FAM110A: variants seen among roughly 807,000 people sequenced by gnomAD.
The protein encoded by FAM110A is family with sequence similarity 110 member A.
In FAM110A, 1 loss-of-function variant was observed where a neutral mutation model predicts 4.0. That is an observed-to-expected ratio of 0.25 (90% CI 0.09 to 1.20). The LOEUF (loss-of-function observed/expected upper bound fraction) is 1.20, where lower values mean the gene tolerates loss of function less well. FAM110A is among the 50% of genes most tolerant of loss of function. FAM110A has a pLI of 0.50. For synonymous variants in FAM110A, 217 were observed against 196.8 expected, an observed-to-expected ratio of 1.10 and a Z score of -0.86; for missense variants, 436 against 429.2, an observed-to-expected ratio of 1.02 and a Z score of -0.14.
intron 1 of FAM110A, among the ~76,000 whole-genome samples, chr20:837,199 C>T (rs998049471): frequency 2.6e-5 from 4 of 151,928 alleles, no homozygotes; most frequent in African/African-American, 9.7e-5. Flanking sequence ...ATTATAGGCC[C>T]CCGCCACCAT....
chr20:835,200 CTATA>C (rs1555787560), intron 1 of FAM110A, among the ~76,000 whole-genome samples: 28 of 140,544 alleles, frequency 2.0e-4, no homozygotes, highest in East Asian at 1.0e-3. Flanking sequence ...CTCTCTCTCT[CTATA>C]TATATATATA....
chr20:839,841 AT>A (rs769317131), intron 1 of FAM110A: 113 of 1,605,364 alleles, frequency 7.0e-5, no homozygotes, highest in Non-Finnish European at 9.2e-5. Context: ...CATGGCCTTC[AT>A]GACGTGAAGG....
At chr20:843,873 T>C (rs1468348430) in intron 1 of FAM110A, among the ~76,000 whole-genome samples, 1 of 152,232 alleles carries the variant, frequency 6.6e-6, no homozygotes, top group East Asian at 1.9e-4. Flanking sequence ...GATGCCTCCA[T>C]GCAGGGCTGT....
Position 845,914 on chromosome 20 carries a change from C to T in FAM110A, c.*222C>T. The T allele has an allele frequency of 4.5e-6, 4 of 890,114 alleles. No homozygotes were observed. The South Asian group carries it at 7.3e-5, about 16-fold the overall frequency. The allele number at this position is 890,114 out of a possible 1,614,324, so 55.1% of individuals were successfully genotyped here. A position where few individuals can be genotyped will look rare whatever the true frequency, so the allele number is the denominator to read the frequency against. ...TTTGGACACCTGAGAACCCCCTCCT[C>T]CCCTCCCCCAATACAAGGTTTTTGA... On this transcript the variant is annotated 3_prime_UTR_variant, in exon 2 of 2. Transcript: ENST00000381941.
intron 1 of FAM110A, 76 bp from the exon 2 acceptor site, chr20:844,632 T>G: frequency 9.3e-7 from 1 of 1,076,772 alleles, no homozygotes; most frequent in Non-Finnish European, 1.2e-6. Context: ...GGGCGTCTTA[T>G]CCTCTCAGCC....
At position 846,153 on chromosome 20, in the gene FAM110A, C is replaced by T. The variant is rs145340716; in HGVS notation, c.*461C>T. 2.3e-4 allele frequency: 44 copies of T among 195,488 alleles called. No homozygotes were observed. The highest frequency in any genetic ancestry group is 4.5e-4 in the Non-Finnish European group (38 of 84,556). The allele number at this position is 195,488 out of a possible 1,614,324, so 12.1% of individuals were successfully genotyped here. A position where few individuals can be genotyped will look rare whatever the true frequency, so the allele number is the denominator to read the frequency against. On this transcript the variant is annotated 3_prime_UTR_variant, in exon 2 of 2. Transcript: ENST00000381941. The stretch of plus-strand genomic sequence containing the variant: ...GTCGGGGCAGTGGGGAGGGGCCTAT[C>T]CACTGCTCTTCCTAGTCCTTGGCAG...
chr20:844,897 G>C lies in FAM110A; in HGVS notation c.93G>C (p.Gly31=). The change falls in exon 2 of 2, where the codon GGG becomes GGC. Residue 31 remains glycine (G), a synonymous_variant. Coordinates refer to ENST00000381941, the MANE Select transcript of FAM110A (RefSeq NM_001042353.3). ...GGGTCCCTGGCTACCTGCTACGGGG[G>C]CCGGCAGATGGTGGAGCCCGGAAAC... is the stretch of plus-strand genomic sequence containing the variant. ...RTRVPGYLLR[G]PADGGARKPS... 6.4e-7 allele frequency: 1 copy of C among 1,557,334 alleles called. No homozygotes were observed. The highest frequency in any genetic ancestry group is 8.7e-7 in the Non-Finnish European group (1 of 1,151,596).
In FAM110A at chr20:845,511, G is replaced by T; in HGVS notation, c.707G>T (p.Gly236Val). The T allele has an allele frequency of 6.2e-7, 1 of 1,612,394 alleles. No homozygotes were observed. Among genetic ancestry groups the T allele is most frequent in the Non-Finnish European group, 8.5e-7 (1 of 1,179,262 alleles). ...RASSDIVSLAGPSAGPGSSEG... is the reference protein window; with the variant it reads ...RASSDIVSLAVPSAGPGSSEG... ...AGCTCGGATATCGTGTCCCTGGCAG[G>T]GCCCAGTGCTGGGCCGGGCAGCTCT... The change falls in exon 2 of 2, where the codon GGG (glycine) becomes GTG (valine). Residue 236 changes from glycine (G) to valine (V), a missense_variant. By Grantham distance (109) the Gly-to-Val change is moderately radical. Coordinates refer to ENST00000381941, the MANE Select transcript of FAM110A (RefSeq NM_001042353.3).
Position 840,025 on chromosome 20 carries a change from T to G in FAM110A, c.-97-4683T>G. 1.1e-6 allele frequency: 1 copy of G among 945,516 alleles called. No individual in the cohort carries two copies. Among genetic ancestry groups the G allele is most frequent in the Non-Finnish European group, 1.7e-6 (1 of 599,792 alleles). The allele number at this position is 945,516 out of a possible 1,614,324, so 58.6% of individuals were successfully genotyped here. A position where few individuals can be genotyped will look rare whatever the true frequency, so the allele number is the denominator to read the frequency against. ...GCTGGGGCTGGAAAGGAAGGACTGT[T>G]CTTTTCTTTGCTATTACGAAAATCA... is the stretch of plus-strand genomic sequence containing the variant. On this transcript the variant is annotated intron_variant, in intron 1 of 1. Coordinates refer to ENST00000381941, the MANE Select transcript of FAM110A (RefSeq NM_001042353.3). The surrounding 1 kb of genome is among the most constrained non-coding windows in gnomAD (Gnocchi z 4.4).
intron 1 of FAM110A, chr20:839,509 AC>A: frequency 9.9e-7 from 1 of 1,005,234 alleles, no homozygotes; most frequent in Admixed American, 1.7e-5. Flanking sequence ...TCGGTTGCTG[AC>A]CCAGCCCCAG....
In FAM110A at chr20:845,941, A is replaced by G; in HGVS notation, c.*249A>G. ...CCTCCCCCAATACAAGGTTTTTGAC[A>G]TGAGTGTACTCCTGCTTAGTTCCTC... On this transcript the variant is annotated 3_prime_UTR_variant, in exon 2 of 2. Transcript: ENST00000381941. 1.4e-6 allele frequency: 1 copy of G among 691,080 alleles called. No homozygotes were observed. Among genetic ancestry groups the G allele is most frequent in the African/African-American group, 1.8e-5 (1 of 54,656 alleles). The allele number at this position is 691,080 out of a possible 1,614,324, so 42.8% of individuals were successfully genotyped here.
At position 834,106 on chromosome 20, in the gene FAM110A, T is replaced by C. The variant is rs980908512; in HGVS notation, c.-98+155T>C. On this transcript the variant is annotated intron_variant, in intron 1 of 1. Coordinates refer to ENST00000381941, the MANE Select transcript of FAM110A (RefSeq NM_001042353.3). This position sits in a 1 kb window ranked among gnomAD's most constrained non-coding sequence, Gnocchi z 5.6. ...AGGCAAGTGTCCCGGCCCGGCGAGC[T>C]CTGGCGGAGAATCCAGTTCAAGTCT... Among the ~76,000 whole-genome samples, 2 of 152,166 alleles carry C rather than the reference T, an allele frequency of 1.3e-5. No homozygotes were observed. The highest frequency in any genetic ancestry group is 2.4e-5 in the African/African-American group (1 of 41,446).
chr20:841,588 A>T (rs1202705270), intron 1 of FAM110A, among the ~76,000 whole-genome samples: 1 of 151,944 alleles, frequency 6.6e-6, no homozygotes, highest in African/African-American at 2.4e-5. Context: ...CAGCCTGGGG[A>T]TCTGAGTTCC....
rs1157185465 is a variant in FAM110A, at chr20:845,760, T to G, written c.*68T>G. The G allele has an allele frequency of 6.3e-7, 1 of 1,593,394 alleles. No homozygotes were observed. The highest frequency in any genetic ancestry group is 8.5e-7 in the Non-Finnish European group (1 of 1,170,180). On this transcript the variant is annotated 3_prime_UTR_variant, in exon 2 of 2. Transcript: ENST00000381941. The stretch of plus-strand genomic sequence containing the variant: ...AGGCAAGTGGTCCCTGGACCTCTCT[T>G]GCATCCATTCTCTAGACGGCCGTGT...
Position 845,428 on chromosome 20 carries a change from C to G in FAM110A, c.624C>G (p.Phe208Leu). The change falls in exon 2 of 2, where the codon TTC becomes TTG. Residue 208 changes from phenylalanine (F) to leucine (L), a missense_variant. Physicochemically the swap from Phe to Leu is conservative, Grantham distance 22. Coordinates refer to ENST00000381941, the MANE Select transcript of FAM110A (RefSeq NM_001042353.3). The part of the protein sequence containing the change: ...AAADLERFFN[F>L]CGLDPEEARG... ...CTGATCTCGAGCGCTTTTTTAACTTCTGCGGCCTGGACCCGGAGGAGGCGA... is the reference window on the plus strand; with the variant it reads ...CTGATCTCGAGCGCTTTTTTAACTTGTGCGGCCTGGACCCGGAGGAGGCGA... The G allele has an allele frequency of 1.9e-6, 3 of 1,613,788 alleles. No homozygotes were observed. The highest frequency in any genetic ancestry group is 2.5e-6 in the Non-Finnish European group (3 of 1,179,896).
Position 844,976 on chromosome 20 carries a change from C to A in FAM110A, c.172C>A (p.His58Asn), listed in dbSNP as rs2122699913. ...CAAGGCCAAGTACGTCAAGAGCCTGCACGTGGCCAACACCCGCCAGGAGCC... is the reference window on the plus strand; with the variant it reads ...CAAGGCCAAGTACGTCAAGAGCCTGAACGTGGCCAACACCCGCCAGGAGCC... ...ADKAKYVKSL[H>N]VANTRQEPVQ... Residue 58 changes from histidine to asparagine, a missense_variant, in exon 2 of 2, where the codon CAC becomes AAC. Transcript: ENST00000381941. The A allele has an allele frequency of 6.3e-7, 1 of 1,595,724 alleles. No individual in the cohort carries two copies.
At position 845,537 on chromosome 20, in the gene FAM110A, G is replaced by A. The variant is rs1304751317; in HGVS notation, c.733G>A (p.Glu245Lys). Residue 245 changes from glutamate (E) to lysine (K), a missense_variant, in exon 2 of 2, where the codon GAA (glutamate) becomes AAA (lysine). Physicochemically the swap from Glu to Lys is moderately conservative, Grantham distance 56. Coordinates refer to ENST00000381941, the MANE Select transcript of FAM110A (RefSeq NM_001042353.3). ...GCCCAGTGCTGGGCCGGGCAGCTCT[G>A]AAGGGGGCTGCTCCCGCCGCAGCTC... ...AGPSAGPGSS[E>K]GGCSRRSSVT... 2 of 1,612,838 alleles carry A rather than the reference G, an allele frequency of 1.2e-6. No homozygotes were observed. Among genetic ancestry groups the A allele is most frequent in the Admixed American group, 1.7e-5 (1 of 59,890 alleles).
rs1463129642 is a variant in FAM110A at position 833,940 on chromosome 20, C to A, written c.-109C>A. 6.6e-6 allele frequency: 1 copy of A among 152,290 alleles called. No homozygotes were observed. The highest frequency in any genetic ancestry group is 1.5e-5 in the Non-Finnish European group (1 of 68,108). The allele number at this position is 152,290 out of a possible 1,614,324, so 9.4% of individuals were successfully genotyped here. A position where few individuals can be genotyped will look rare whatever the true frequency, so the allele number is the denominator to read the frequency against. On this transcript the variant is annotated 5_prime_UTR_variant, in exon 1 of 2. Transcript: ENST00000381941. The surrounding 1 kb of genome is among the most constrained non-coding windows in gnomAD (Gnocchi z 4.1). Reference sequence around the variant, plus strand: ...GCGAGAGGAGCCGGGACACGCCTAGCGCGGGCTCCAGGTGAGGGCGCGGGT... The same window carrying A: ...GCGAGAGGAGCCGGGACACGCCTAGAGCGGGCTCCAGGTGAGGGCGCGGGT...
chr20:839,240 C>T (rs753062539), intron 1 of FAM110A, among the ~76,000 whole-genome samples: 7 of 152,096 alleles, frequency 4.6e-5, no homozygotes, highest in Non-Finnish European at 8.8e-5. Context: ...ATTTTGGGCA[C>T]GTGGCCTTAC....
Sources: allele counts gnomAD v4.1 joint callset (sites outside exome capture counted in the v4.1 genomes callset), GRCh38; gene constraint gnomAD v4.1.1; non-coding constraint Gnocchi (gnomAD v3.1); transcripts MANE v1.5; gene names NCBI Gene and HGNC (gene_info 2026-07-23, HGNC 2026-07-21).